EFR3A: variants seen among roughly 807,000 people sequenced by gnomAD.
The protein encoded by EFR3A is EFR3 homolog A.
A neutral mutation model predicts 104.4 loss-of-function variants in EFR3A; 76 were observed. The observed-to-expected ratio is 0.73, with a 90% CI of 0.60 to 0.88. The LOEUF (loss-of-function observed/expected upper bound fraction) is 0.88, where lower values mean the gene tolerates loss of function less well. Ranked by LOEUF, EFR3A falls within the 40% of genes least tolerant of loss-of-function variation. The pLI is 0.00. For synonymous variants in EFR3A, 330 were observed against 330.0 expected, an observed-to-expected ratio of 1.00 and a Z score of 0.00; for missense variants, 985 against 1,012.5, an observed-to-expected ratio of 0.97 and a Z score of 0.37.
Position 131,918,765 on chromosome 8 carries a change from C to A in EFR3A, c.10+14443C>A, listed in dbSNP as rs115539679. 6.0e-3 allele frequency among the ~76,000 whole-genome samples: 906 copies of A among 152,252 alleles called. 9 individuals are homozygous for A. The highest frequency in any genetic ancestry group is 0.021 in the African/African-American group (862 of 41,544). Reference sequence around the variant, plus strand: ...CCTCTAAAAATAATTTTGGAAGTTACAAACACTCCTACAGATTTAACACTT... The same window carrying A: ...CCTCTAAAAATAATTTTGGAAGTTAAAAACACTCCTACAGATTTAACACTT... On this transcript the variant is annotated intron_variant, in intron 1 of 22. Coordinates refer to ENST00000254624, the MANE Select transcript of EFR3A (RefSeq NM_015137.6).
intron 4 of EFR3A, among the ~76,000 whole-genome samples, chr8:131,947,798 G>A (rs1818511029): frequency 6.6e-6 from 1 of 151,936 alleles, no homozygotes; most frequent in Non-Finnish European, 1.5e-5. Context: ...CTGTTGAAAA[G>A]GCTATTCTTT....
chr8:131,909,751 C>T (rs1816422462), intron 1 of EFR3A, among the ~76,000 whole-genome samples: 1 of 152,156 alleles, frequency 6.6e-6, no homozygotes, highest in Non-Finnish European at 1.5e-5. Flanking sequence ...CATTAAACAT[C>T]ATCCTTGGCC....
chr8:132,006,139 G>C (rs757259300), intron 22 of EFR3A, among the ~76,000 whole-genome samples: 11 of 152,126 alleles, frequency 7.2e-5, no homozygotes, highest in Non-Finnish European at 1.6e-4. Context: ...TTGCAAAGAA[G>C]AGAGATCTGA....
chr8:131,930,259 G>A (rs1278962115), intron 1 of EFR3A, among the ~76,000 whole-genome samples: 1 of 152,002 alleles, frequency 6.6e-6, no homozygotes, highest in Non-Finnish European at 1.5e-5. Flanking sequence ...ATGTTTTAGA[G>A]CCTACTAGGT....
chr8:131,978,770 T>G, intron 12 of EFR3A, 77 bp from the exon 13 acceptor site: 1 of 1,134,540 alleles, frequency 8.8e-7, no homozygotes. Flanking sequence ...AGTTTATGGT[T>G]CTTATAAAAG....
intron 8 of EFR3A, 27 bp downstream of exon 8, chr8:131,959,690 A>G (rs769202026): frequency 3.2e-6 from 5 of 1,543,192 alleles, no homozygotes; most frequent in Admixed American, 3.7e-5. Flanking sequence ...TATTTACTGT[A>G]TTTATATAAG....
chr8:131,995,308 G>A (rs959242601), intron 18 of EFR3A, among the ~76,000 whole-genome samples: 49 of 151,920 alleles, frequency 3.2e-4, no homozygotes, highest in African/African-American at 1.1e-3. Flanking sequence ...TCCTTTTTTC[G>A]ACTGTAATCA....
intron 1 of EFR3A, among the ~76,000 whole-genome samples, chr8:131,933,228 C>G (rs185742984): frequency 6.6e-6 from 1 of 152,034 alleles, no homozygotes; most frequent in South Asian, 2.1e-4. Context: ...ATTGGGACAC[C>G]GGGGCGGTAT....
In EFR3A at chr8:131,969,525, T is replaced by G. The variant is rs886806833; in HGVS notation, c.992-951T>G. On this transcript the variant is annotated intron_variant, in intron 9 of 22. Coordinates refer to ENST00000254624, the MANE Select transcript of EFR3A (RefSeq NM_015137.6). ...TGTATTGCTTTTTTATTTGTGTGTG[T>G]TTTTTTTTTTTATCGTGGGTTTTTT... 4.5e-5 allele frequency among the ~76,000 whole-genome samples: 6 copies of G among 134,680 alleles called. 1 individual carries two copies. The highest frequency in any genetic ancestry group is 2.2e-4 in the Admixed American group (3 of 13,510). The allele number at this position is 134,680 out of a possible 152,430, so 88.4% of individuals were successfully genotyped here. A position where few individuals can be genotyped will look rare whatever the true frequency, so the allele number is the denominator to read the frequency against.
At chr8:131,922,526 A>T (rs1275544742) in intron 1 of EFR3A, among the ~76,000 whole-genome samples, 5 of 152,176 alleles carry the variant, frequency 3.3e-5, no homozygotes, top group African/African-American at 1.2e-4. Context: ...AGGTTAATTC[A>T]ACCTTTACTG....
At position 132,010,834 on chromosome 8, in the gene EFR3A, A is replaced by G. The variant is rs1347214413; in HGVS notation, c.2405A>G (p.His802Arg). 1 of 1,612,504 alleles carries G rather than the reference A, an allele frequency of 6.2e-7. No individual in the cohort carries two copies. The highest frequency in any genetic ancestry group is 1.3e-5 in the African/African-American group (1 of 74,876). ...GGAACACTGACCATTACTTCTGGGCATGCCCAATACCAATCTGTCCCAGTC... is the reference window on the plus strand; with the variant it reads ...GGAACACTGACCATTACTTCTGGGCGTGCCCAATACCAATCTGTCCCAGTC... The part of the protein sequence containing the change: ...PSGTLTITSG[H>R]AQYQSVPVYE... The change falls in exon 23 of 23, where the codon CAT becomes CGT. Residue 802 changes from histidine to arginine, a missense_variant. His to Arg is a conservative substitution (Grantham distance 29). Transcript: ENST00000254624.
intron 1 of EFR3A, among the ~76,000 whole-genome samples, chr8:131,920,009 G>A (rs886876464): frequency 6.6e-6 from 1 of 152,140 alleles, no homozygotes; most frequent in Non-Finnish European, 1.5e-5. Flanking sequence ...TTACAGTACA[G>A]CAGAGGATTC....
intron 19 of EFR3A, among the ~76,000 whole-genome samples, chr8:132,001,294 C>T (rs1266368962): frequency 2.0e-5 from 3 of 152,134 alleles, no homozygotes; most frequent in Admixed American, 2.0e-4. Flanking sequence ...GATTTGTAAA[C>T]TGTGTGTGGT....
intron 1 of EFR3A, among the ~76,000 whole-genome samples, chr8:131,920,728 A>G (rs1301462364): frequency 6.6e-6 from 1 of 151,188 alleles, no homozygotes; most frequent in Non-Finnish European, 1.5e-5. Flanking sequence ...AAGGCAGTAT[A>G]GTGTATAGTG....
At chr8:131,949,484 CTT>C (rs1818593721) in intron 4 of EFR3A, among the ~76,000 whole-genome samples, 1 of 151,962 alleles carries the variant, frequency 6.6e-6, no homozygotes, top group Non-Finnish European at 1.5e-5. Flanking sequence ...TTTTCTTCCT[CTT>C]GTTTTCTAAA....
intron 2 of EFR3A, among the ~76,000 whole-genome samples, chr8:131,941,502 A>G (rs1818170478): frequency 2.0e-5 from 3 of 152,138 alleles, no homozygotes; most frequent in African/African-American, 4.8e-5. Context: ...AGGTTAATCA[A>G]TTAAATATTA....
intron 18 of EFR3A, among the ~76,000 whole-genome samples, chr8:131,990,281 A>G (rs1164825819): frequency 6.6e-6 from 1 of 152,228 alleles, no homozygotes; most frequent in Non-Finnish European, 1.5e-5. Flanking sequence ...TAACCAGGCA[A>G]TTGTAATATG....
intron 1 of EFR3A, among the ~76,000 whole-genome samples, chr8:131,929,418 C>T (rs1586551963): frequency 6.6e-6 from 1 of 152,144 alleles, no homozygotes; most frequent in Non-Finnish European, 1.5e-5. Flanking sequence ...CTCCCTTTGC[C>T]TGGGAATAAT....
intron 8 of EFR3A, among the ~76,000 whole-genome samples, 169 bp from the exon 9 acceptor site, chr8:131,968,121 ATCTCT>A: frequency 6.6e-6 from 1 of 152,048 alleles, no homozygotes; most frequent in African/African-American, 2.4e-5. Flanking sequence ...ATTTTCCAGC[ATCTCT>A]GTTTATTCTT....
Sources: allele counts gnomAD v4.1 joint callset (sites outside exome capture counted in the v4.1 genomes callset), GRCh38; gene constraint gnomAD v4.1.1; transcripts MANE v1.5; gene names NCBI Gene and HGNC (gene_info 2026-07-23, HGNC 2026-07-21).